Variants in KCNAB2 observed in about 807,000 individuals in gnomAD.
KCNAB2 encodes potassium voltage-gated channel subfamily A regulatory beta subunit 2.
KCNAB2 carries 29 observed loss-of-function variants against 63.6 expected under a neutral mutation model. The ratio of observed to expected loss-of-function variants is 0.46; its 90% CI spans 0.34 to 0.62. The LOEUF (loss-of-function observed/expected upper bound fraction) is 0.62, where lower values mean the gene tolerates loss of function less well. Ranked by LOEUF, KCNAB2 falls within the 20% of genes least tolerant of loss-of-function variation. The pLI, the probability that KCNAB2 is intolerant of heterozygous loss-of-function variation, is 0.01. For synonymous variants in KCNAB2, 222 were observed against 224.2 expected, an observed-to-expected ratio of 0.99 and a Z score of 0.09; for missense variants, 359 against 563.9, an observed-to-expected ratio of 0.64 and a Z score of 3.68.
intron 1 of KCNAB2, among the ~76,000 whole-genome samples, chr1:6,018,247 T>C (rs1447995514): frequency 6.6e-6 from 1 of 152,108 alleles, no homozygotes; most frequent in Non-Finnish European, 1.5e-5. Context: ...AGGCAAATGT[T>C]TTCATAGAGG....
chr1:6,064,276 A>G (rs1466116991), intron 2 of KCNAB2, among the ~76,000 whole-genome samples: 4 of 152,214 alleles, frequency 2.6e-5, no homozygotes, highest in African/African-American at 9.6e-5. Context: ...TGCCTTTGTA[A>G]TAAGTTCCCC....
intron 1 of KCNAB2, among the ~76,000 whole-genome samples, chr1:6,037,872 CTTT>C (rs1210270485): frequency 6.8e-5 from 8 of 117,612 alleles, no homozygotes; most frequent in Admixed American, 1.8e-4. Flanking sequence ...GAATGAGGGT[CTTT>C]TTTTTTTTTT....
chr1:6,052,716 G>GTGACTGGC (rs145925664), intron 2 of KCNAB2, among the ~76,000 whole-genome samples: 115 of 152,334 alleles, frequency 7.5e-4, no homozygotes, highest in African/African-American at 2.6e-3. Flanking sequence ...ACATGCCCTT[G>GTGACTGGC]TGAGAGCCAT....
chr1:5,997,481 C>G (rs1657003787), intron 1 of KCNAB2, among the ~76,000 whole-genome samples: 1 of 152,204 alleles, frequency 6.6e-6, no homozygotes, highest in Non-Finnish European at 1.5e-5. Context: ...CCACTGCACA[C>G]CTGCCCACCT....
At position 6,098,740 on chromosome 1, in the gene KCNAB2, C is replaced by T; in HGVS notation, c.*166C>T. 2.4e-6 allele frequency: 2 copies of T among 838,452 alleles called. No individual in the cohort carries two copies. Among genetic ancestry groups the T allele is most frequent in the Non-Finnish European group, 1.8e-6 (1 of 551,758 alleles). 51.9% of individuals were successfully genotyped at this position (838,452 alleles called of 1,614,324 possible). A position where few individuals can be genotyped will look rare whatever the true frequency, so the allele number is the denominator to read the frequency against. On this transcript the variant is annotated 3_prime_UTR_variant, in exon 16 of 16. Coordinates refer to ENST00000378083, the MANE Select transcript of KCNAB2 (RefSeq NM_001199862.2). ...CTCCCAAGTCGCTGCCAGACACCAC[C>T]CACTGCTTCGCCGGACAATGTCGAA...
Position 6,078,988 on chromosome 1 carries a change from C to G in KCNAB2, c.301-3207C>G, listed in dbSNP as rs920670436. On this transcript the variant is annotated intron_variant, in intron 4 of 15. Transcript: ENST00000378083. This position sits in a 1 kb window ranked among gnomAD's most constrained non-coding sequence, Gnocchi z 4.2. ...TGGAGGCTCAGAGCAGGGTGGGCAC[C>G]GTGGAGGTGGGGAGACGGGTCAGAT... is the stretch of plus-strand genomic sequence containing the variant. Among the ~76,000 whole-genome samples, 1 of 152,176 alleles carries G rather than the reference C, an allele frequency of 6.6e-6. No homozygotes were observed. Among genetic ancestry groups the G allele is most frequent in the Non-Finnish European group, 1.5e-5 (1 of 68,018 alleles).
Position 6,051,750 on chromosome 1 carries a change from T to C in KCNAB2, c.214T>C (p.Tyr72His). 1 of 1,528,514 alleles carries C rather than the reference T, an allele frequency of 6.5e-7. No individual in the cohort carries two copies. The highest frequency in any genetic ancestry group is 8.7e-7 in the Non-Finnish European group (1 of 1,142,864). 94.7% of individuals were successfully genotyped at this position (1,528,514 alleles called of 1,614,324 possible). Residue 72 changes from tyrosine (Y) to histidine (H), a missense_variant, in exon 2 of 16, where the codon TAT (tyrosine) becomes CAT (histidine). Physicochemically the swap from Tyr to His is moderately conservative, Grantham distance 83. Transcript: ENST00000378083. ...GCTAQRTGMK[Y>H]RNLGKSGLRV... The stretch of plus-strand genomic sequence containing the variant: ...CACCGCCCAGCGCACAGGCATGAAG[T>C]ATCGGTAAGGGCCGGGCAGGGGGGC...
intron 10 of KCNAB2, 58 bp downstream of exon 10, chr1:6,091,365 A>G (rs955344941): frequency 2.4e-6 from 3 of 1,226,162 alleles, no homozygotes; most frequent in Non-Finnish European, 3.4e-6. Flanking sequence ...ATTTTATGAG[A>G]CAGTATTTTT....
At chr1:6,048,994 TGCCAGGGTACCC>T (rs1661172210) in intron 1 of KCNAB2, among the ~76,000 whole-genome samples, 1 of 152,220 alleles carries the variant, frequency 6.6e-6, no homozygotes, top group Admixed American at 6.5e-5. Flanking sequence ...CGGCTTTCCA[TGCCAGGGTACCC>T]GCCTGCTTTA....
chr1:6,083,812 T>C (rs1046038068), intron 5 of KCNAB2, among the ~76,000 whole-genome samples: 2 of 152,242 alleles, frequency 1.3e-5, no homozygotes, highest in Non-Finnish European at 2.9e-5. Context: ...GACACTAATT[T>C]GCACGCTTCT....
At chr1:6,038,712 G>A (rs1263509244) in intron 1 of KCNAB2, among the ~76,000 whole-genome samples, 1 of 152,208 alleles carries the variant, frequency 6.6e-6, no homozygotes, top group Non-Finnish European at 1.5e-5. Flanking sequence ...GAGGTTGTTT[G>A]GGAATCCCCT....
chr1:6,032,041 T>A (rs956559241), upstream of KCNAB2, among the ~76,000 whole-genome samples: 9 of 152,174 alleles, frequency 5.9e-5, no homozygotes, highest in African/African-American at 1.9e-4. Flanking sequence ...TCACCAGCAA[T>A]GCCTTCCTGG....
At chr1:5,993,739 A>T (rs1388821833) in intron 1 of KCNAB2, among the ~76,000 whole-genome samples, 1 of 151,940 alleles carries the variant, frequency 6.6e-6, no homozygotes, top group African/African-American at 2.4e-5. Flanking sequence ...CTCCCTGGCC[A>T]CCGTCTCCTT....
upstream of KCNAB2, among the ~76,000 whole-genome samples, chr1:6,030,029 A>C (rs2100381428): frequency 2.6e-5 from 4 of 152,372 alleles, 1 homozygote; most frequent in Admixed American, 2.6e-4. Flanking sequence ...ATAAAGAGAC[A>C]GATAATGTCT....
At chr1:6,029,489 T>A (rs115388689), upstream of KCNAB2, among the ~76,000 whole-genome samples, 424 of 152,206 alleles carry the variant, frequency 2.8e-3, 2 homozygotes, top group African/African-American at 9.7e-3. Context: ...ATGGCACAGA[T>A]GTCCAGGAAG....
chr1:6,069,858 G>A lies in KCNAB2; in HGVS notation c.219-2897G>A, dbSNP rs1467837509. Reference sequence around the variant, plus strand: ...CGGCATCACGTGGTGCCCTAGTTTTGTTAAATTAGTCCTGTGGGTGGTGGG... The same window carrying A: ...CGGCATCACGTGGTGCCCTAGTTTTATTAAATTAGTCCTGTGGGTGGTGGG... On this transcript the variant is annotated intron_variant, in intron 2 of 15. Transcript: ENST00000378083. The surrounding 1 kb of genome is among the most constrained non-coding windows in gnomAD (Gnocchi z 5.4). Among the ~76,000 whole-genome samples the A allele has an allele frequency of 6.6e-6, 1 of 152,206 alleles. No individual in the cohort carries two copies. Among genetic ancestry groups the A allele is most frequent in the Admixed American group, 6.5e-5 (1 of 15,284 alleles).
At chr1:6,089,134 G>A (rs377467422) in intron 8 of KCNAB2, 83 bp downstream of exon 8, 4 of 1,402,562 alleles carry the variant, frequency 2.9e-6, no homozygotes, top group South Asian at 1.2e-5. Flanking sequence ...CACAGGGCCC[G>A]ACCCCCCCAG....
chr1:6,071,586 G>A lies in KCNAB2; in HGVS notation c.219-1169G>A, dbSNP rs889458099. On this transcript the variant is annotated intron_variant, in intron 2 of 15. Coordinates refer to ENST00000378083, the MANE Select transcript of KCNAB2 (RefSeq NM_001199862.2). This position sits in a 1 kb window ranked among gnomAD's most constrained non-coding sequence, Gnocchi z 8.5. The stretch of plus-strand genomic sequence containing the variant: ...GGGATCCAGCTCCTCCGCGTGCTGG[G>A]CAGGTATCGTAACGTGGGAATCGAT... Among the ~76,000 whole-genome samples the A allele has an allele frequency of 1.3e-5, 2 of 152,218 alleles. No individual in the cohort carries two copies. Among genetic ancestry groups the A allele is most frequent in the African/African-American group, 4.8e-5 (2 of 41,454 alleles).
Position 6,078,072 on chromosome 1 carries a change from C to T in KCNAB2, c.301-4123C>T, listed in dbSNP as rs541399936. On this transcript the variant is annotated intron_variant, in intron 4 of 15. Transcript: ENST00000378083. The surrounding 1 kb of genome is among the most constrained non-coding windows in gnomAD (Gnocchi z 4.2). Reference sequence around the variant, plus strand: ...GGCCAGGACCTTTCCCGGCCTAAGTCCAGGAGTCAGCCGGGCCGGGCTCCC... The same window carrying T: ...GGCCAGGACCTTTCCCGGCCTAAGTTCAGGAGTCAGCCGGGCCGGGCTCCC... Among the ~76,000 whole-genome samples the T allele has an allele frequency of 3.3e-5, 5 of 149,756 alleles. No homozygotes were observed. Among genetic ancestry groups the T allele is most frequent in the East Asian group, 1.9e-4 (1 of 5,142 alleles).
Sources: gnomAD v4.1 joint callset for allele counts (sites outside exome capture counted in the v4.1 genomes callset) on GRCh38, gnomAD v4.1.1 for gene constraint, Gnocchi (gnomAD v3.1) non-coding constraint, MANE v1.5 for transcripts, NCBI Gene and HGNC (gene_info 2026-07-23, HGNC 2026-07-21) for gene names.